The following ZNF280D variants were observed in gnomAD, a reference collection of about 807,000 sequenced individuals.
ZNF280D encodes the protein suppressor of hairy wing homolog 4.
In ZNF280D, 39 loss-of-function variants were observed where a neutral mutation model predicts 94.7. That is an observed-to-expected ratio of 0.41 (90% CI 0.32 to 0.54). The LOEUF (loss-of-function observed/expected upper bound fraction) is 0.54. ZNF280D is among the 20% of genes least tolerant of loss of function. The pLI, the probability that ZNF280D is intolerant of heterozygous loss-of-function variation, is 0.22. For synonymous variants in ZNF280D, 398 were observed against 377.6 expected (o/e 1.05, Z -0.63); for missense variants, 1,090 against 1,149.3 (o/e 0.95, Z 0.75).
intron 1 of ZNF280D, among the ~76,000 whole-genome samples, chr15:56,723,273 G>A (rs2058468445): frequency 6.6e-6 from 1 of 151,894 alleles, no homozygotes; most frequent in Non-Finnish European, 1.5e-5. Context: ...AAAAAATGTG[G>A]TGTATCAATA....
At chr15:56,697,062 T>C (rs1324212570) in intron 6 of ZNF280D, among the ~76,000 whole-genome samples, 3 of 152,206 alleles carry the variant, frequency 2.0e-5, no homozygotes, top group Admixed American at 6.5e-5. Context: ...TCTATTTTTT[T>C]CCCTCAAATG....
chr15:56,728,716 TACA>T (rs1229357653), intron 1 of ZNF280D, among the ~76,000 whole-genome samples: 5 of 152,206 alleles, frequency 3.3e-5, no homozygotes, highest in African/African-American at 7.2e-5. Flanking sequence ...TGGTTCAACT[TACA>T]ACAATTTTCA....
intron 6 of ZNF280D, chr15:56,697,629 T>C (rs1345457316): frequency 1.3e-5 from 2 of 152,336 alleles, no homozygotes; most frequent in Admixed American, 6.5e-5. Flanking sequence ...TCTGAGACAG[T>C]GGTGCCCTAA....
At chr15:56,728,831 C>G (rs1367413542) in intron 1 of ZNF280D, among the ~76,000 whole-genome samples, 1 of 152,110 alleles carries the variant, frequency 6.6e-6, no homozygotes, top group African/African-American at 2.4e-5. Context: ...ATGAGATACT[C>G]AACACTTTAT....
At position 56,688,264 on chromosome 15, in the gene ZNF280D, G is replaced by A. The variant is rs536335084; in HGVS notation, c.780+777C>T. Among the ~76,000 whole-genome samples, 299 of 152,010 alleles carry A rather than the reference G, an allele frequency of 2.0e-3. 2 individuals carry two copies. Among genetic ancestry groups the A allele is most frequent in the African/African-American group, 6.9e-3 (286 of 41,472 alleles). On this transcript the variant is annotated intron_variant, in intron 9 of 21. Coordinates refer to ENST00000267807, the MANE Select transcript of ZNF280D (RefSeq NM_017661.4). The stretch of plus-strand genomic sequence containing the variant: ...TCCCAGCACTTTAGGAGGTTGAGGC[G>A]GGCGGATCACGAGGTCAGGAGATCG...
At position 56,631,528 on chromosome 15, in the gene ZNF280D, T is replaced by G; in HGVS notation, c.2910A>C (p.Val970=). ...TTCTTTCTTTTTCGTCTTCCAGGTC[T>G]ACTGTTGCCTCTGTTGTGCTAGGGT... is the stretch of plus-strand genomic sequence containing the variant. ...GNNPSTTEAT[V]DLEDEKERS Residue 970 remains valine (V), a synonymous_variant, in exon 22 of 22, where the codon GTA becomes GTC. Coordinates refer to ENST00000267807, the MANE Select transcript of ZNF280D (RefSeq NM_017661.4). The G allele has an allele frequency of 6.2e-7, 1 of 1,613,390 alleles. No individual in the cohort carries two copies. The highest frequency in any genetic ancestry group is 8.5e-7 in the Non-Finnish European group (1 of 1,179,376).
chr15:56,671,835 T>C (rs1287209238), intron 13 of ZNF280D, among the ~76,000 whole-genome samples: 1 of 152,044 alleles, frequency 6.6e-6, no homozygotes, highest in African/African-American at 2.4e-5. Context: ...TTTGTTTGTG[T>C]CATCTCTGAT....
chr15:56,721,150 A>G (rs1327920146), intron 1 of ZNF280D, among the ~76,000 whole-genome samples: 1 of 151,902 alleles, frequency 6.6e-6, no homozygotes, highest in Admixed American at 6.6e-5. Flanking sequence ...TTTAGTAGAG[A>G]CGGGGGTTTC....
intron 17 of ZNF280D, chr15:56,654,891 A>T (rs968607374): frequency 1.8e-5 from 8 of 453,426 alleles, no homozygotes; most frequent in Non-Finnish European, 3.6e-5. Context: ...TACTGGAGCT[A>T]TTTTTATATA....
At chr15:56,687,668 TTTC>T (rs2056120553) in intron 9 of ZNF280D, among the ~76,000 whole-genome samples, 1 of 152,200 alleles carries the variant, frequency 6.6e-6, no homozygotes, top group African/African-American at 2.4e-5. Flanking sequence ...TAGTCTTTGT[TTTC>T]TTCATCTATA....
At chr15:56,715,019 G>A (rs985521958) in intron 1 of ZNF280D, among the ~76,000 whole-genome samples, 9 of 152,032 alleles carry the variant, frequency 5.9e-5, no homozygotes, top group Admixed American at 6.6e-5. Context: ...AAAACTAAAA[G>A]TGGTACAGCA....
intron 16 of ZNF280D, among the ~76,000 whole-genome samples, chr15:56,660,870 A>G (rs999935632): frequency 2.6e-5 from 4 of 152,034 alleles, no homozygotes; most frequent in African/African-American, 9.7e-5. Flanking sequence ...TTTCTAAGAA[A>G]CATAAAAGGA....
At chr15:56,689,567 A>G (rs942340963) in intron 7 of ZNF280D, 97 bp from the exon 8 acceptor site, 1 of 773,614 alleles carries the variant, frequency 1.3e-6, no homozygotes, top group African/African-American at 1.8e-5. Flanking sequence ...AAGGTAATAT[A>G]ATTGAATTAT....
intron 6 of ZNF280D, chr15:56,700,229 T>A: frequency 1.1e-6 from 1 of 942,370 alleles, no homozygotes; most frequent in Non-Finnish European, 1.3e-6. Context: ...ACATATAAAC[T>A]ATGGGTTAGG....
chr15:56,720,981 G>GGC (rs1157760431), intron 1 of ZNF280D, among the ~76,000 whole-genome samples: 6 of 123,580 alleles, frequency 4.9e-5, no homozygotes, highest in African/African-American at 1.4e-4. Flanking sequence ...GGGGGGGGGG[G>GGC]GGACAGAGTC....
intron 13 of ZNF280D, among the ~76,000 whole-genome samples, chr15:56,674,691 C>T (rs2055097516): frequency 6.6e-6 from 1 of 151,388 alleles, no homozygotes; most frequent in South Asian, 2.1e-4. Context: ...CAAGAAAATG[C>T]ATGTAAAGTA....
chr15:56,648,103 C>T (rs1474279015), intron 19 of ZNF280D, among the ~76,000 whole-genome samples: 1 of 152,068 alleles, frequency 6.6e-6, no homozygotes, highest in Admixed American at 6.5e-5. Flanking sequence ...TTCCACTGCA[C>T]TGCCTCAAGC....
intron 1 of ZNF280D, among the ~76,000 whole-genome samples, chr15:56,724,350 G>A (rs1241881724): frequency 6.6e-6 from 1 of 152,130 alleles, no homozygotes; most frequent in Admixed American, 6.5e-5. Flanking sequence ...CCTAAGCAGA[G>A]CTCGGTTAGG....
chr15:56,671,025 G>A (rs1211576445), intron 13 of ZNF280D, among the ~76,000 whole-genome samples: 1 of 151,650 alleles, frequency 6.6e-6, no homozygotes, highest in Non-Finnish European at 1.5e-5. Flanking sequence ...TAATGGGGTT[G>A]GTTTCTTTCT....
Sources: gnomAD v4.1 joint callset for allele counts (sites outside exome capture counted in the v4.1 genomes callset) on GRCh38, gnomAD v4.1.1 for gene constraint, MANE v1.5 for transcripts, NCBI Gene and HGNC (gene_info 2026-07-23, HGNC 2026-07-21) for gene names.